KHDRBS3: variants seen among roughly 807,000 people sequenced by gnomAD.
The protein encoded by KHDRBS3 is KH RNA binding domain containing, signal transduction associated 3.
In KHDRBS3, 23 loss-of-function variants were observed where a neutral mutation model predicts 45.6. The observed-to-expected ratio is 0.50, with a 90% CI of 0.36 to 0.72. KHDRBS3 has a LOEUF of 0.72. KHDRBS3 is among the 30% of genes least tolerant of loss of function. KHDRBS3 has a pLI of 0.00. For missense variants in KHDRBS3, 352 were observed against 424.8 expected (o/e 0.83, Z 1.51); for synonymous variants, 162 against 156.5 (o/e 1.04, Z -0.26).
At chr8:135,481,826 G>T (rs1477988701) in intron 1 of KHDRBS3, among the ~76,000 whole-genome samples, 2 of 152,144 alleles carry the variant, frequency 1.3e-5, no homozygotes, top group African/African-American at 4.8e-5. Context: ...TAAGATAATT[G>T]GTGCTGTCAC....
intron 2 of KHDRBS3, 37 bp from the exon 3 acceptor site, chr8:135,542,617 T>TATAA (rs1826098975): frequency 3.0e-6 from 4 of 1,342,902 alleles, no homozygotes; most frequent in Middle Eastern, 3.6e-4. Context: ...TGCTTTCACA[T>TATAA]ATAAATGCTA....
intron 2 of KHDRBS3, among the ~76,000 whole-genome samples, chr8:135,536,646 G>A (rs1001774328): frequency 4.1e-4 from 62 of 152,136 alleles, no homozygotes; most frequent in African/African-American, 1.4e-3. Context: ...GTTGTGGGAG[G>A]ACTGAAGAAA....
intron 1 of KHDRBS3, among the ~76,000 whole-genome samples, chr8:135,465,974 A>C (rs1158921244): frequency 6.6e-6 from 1 of 152,090 alleles, no homozygotes; most frequent in Non-Finnish European, 1.5e-5. Context: ...GGCAGTTTTC[A>C]TTTTCAACAT....
At chr8:135,587,331 T>C (rs1419361932) in intron 6 of KHDRBS3, among the ~76,000 whole-genome samples, 1 of 152,218 alleles carries the variant, frequency 6.6e-6, no homozygotes, top group Non-Finnish European at 1.5e-5. Context: ...CGGGAGTACG[T>C]ATGACACAGC....
At chr8:135,556,148 G>A (rs1205068309) in intron 4 of KHDRBS3, among the ~76,000 whole-genome samples, 1 of 152,150 alleles carries the variant, frequency 6.6e-6, no homozygotes, top group Non-Finnish European at 1.5e-5. Context: ...ATGGACATTT[G>A]GGTTGGTTCC....
chr8:135,650,657 T>C (rs1040350729), downstream of KHDRBS3, among the ~76,000 whole-genome samples: 1 of 152,254 alleles, frequency 6.6e-6, no homozygotes, highest in East Asian at 1.9e-4. Context: ...CATGTTGTTA[T>C]ACTGTCATTC....
At chr8:135,615,485 C>G (rs1334879153) in intron 7 of KHDRBS3, among the ~76,000 whole-genome samples, 1 of 152,088 alleles carries the variant, frequency 6.6e-6, no homozygotes, top group Non-Finnish European at 1.5e-5. Context: ...GAGTGACACT[C>G]TTAATGACAT....
At chr8:135,611,833 C>A (rs955380989) in intron 7 of KHDRBS3, among the ~76,000 whole-genome samples, 1 of 151,806 alleles carries the variant, frequency 6.6e-6, no homozygotes, top group African/African-American at 2.4e-5. Flanking sequence ...AATGCACATA[C>A]TCTAACACCG....
In KHDRBS3 at chr8:135,647,326, T is replaced by A. The variant is rs148272920; in HGVS notation, c.*242T>A. ...AATAGGTCATCAAAAGGAAAAAAAA[T>A]AACTTTGATTAACTAGTGTTAAACA... On this transcript the variant is annotated 3_prime_UTR_variant, in exon 9 of 9. Transcript: ENST00000355849. 847 of 304,848 alleles carry A rather than the reference T, an allele frequency of 2.8e-3. 32 individuals are homozygous for A. The Admixed American group carries it at 0.034, about 12-fold the overall frequency. The allele number at this position is 304,848 out of a possible 1,614,324, so 18.9% of individuals were successfully genotyped here.
intron 5 of KHDRBS3, among the ~76,000 whole-genome samples, chr8:135,561,606 G>A (rs568782506): frequency 1.8e-4 from 26 of 146,604 alleles, no homozygotes; most frequent in African/African-American, 5.5e-4. Flanking sequence ...CACTTTTATT[G>A]TGTTTTCATT....
intron 6 of KHDRBS3, among the ~76,000 whole-genome samples, chr8:135,584,863 C>G (rs555522324): frequency 6.6e-6 from 1 of 152,128 alleles, no homozygotes; most frequent in Admixed American, 6.5e-5. Flanking sequence ...CTAAAGATTA[C>G]TCACCCATCA....
At chr8:135,488,620 C>T (rs1464776536) in intron 1 of KHDRBS3, among the ~76,000 whole-genome samples, 1 of 152,086 alleles carries the variant, frequency 6.6e-6, no homozygotes, top group East Asian at 1.9e-4. Context: ...TCCTTAACAA[C>T]AGGGTGGGTT....
chr8:135,543,713 A>G (rs1312758573), intron 3 of KHDRBS3, among the ~76,000 whole-genome samples: 2 of 152,216 alleles, frequency 1.3e-5, no homozygotes, highest in Admixed American at 6.5e-5. Flanking sequence ...ATGTAAGGAA[A>G]CTGAGATTCA....
chr8:135,610,299 G>A (rs918434117), intron 7 of KHDRBS3, among the ~76,000 whole-genome samples: 1 of 151,900 alleles, frequency 6.6e-6, no homozygotes, highest in African/African-American at 2.4e-5. Context: ...ACAACAGCAA[G>A]AGTTAATATA....
At chr8:135,618,826 T>C (rs1272585006) in intron 7 of KHDRBS3, among the ~76,000 whole-genome samples, 1 of 152,222 alleles carries the variant, frequency 6.6e-6, no homozygotes, top group Non-Finnish European at 1.5e-5. Context: ...AGTGAGAGAA[T>C]ATACTTGAAC....
rs1403601247 is a variant in KHDRBS3, at chr8:135,593,554, T to TGCA, written c.807+11483_807+11485dup. On this transcript the variant is annotated intron_variant, in intron 6 of 8. Coordinates refer to ENST00000355849, the MANE Select transcript of KHDRBS3 (RefSeq NM_006558.3). ...GTGCAGTGGTACAGTTAGAACTCACTGCAGTCTCAACATCCTGGACTCAAG... is the reference window on the plus strand; with the variant it reads ...GTGCAGTGGTACAGTTAGAACTCACTGCAGCAGTCTCAACATCCTGGACTCAAG... Among the ~76,000 whole-genome samples the TGCA allele has an allele frequency of 2.6e-5, 4 of 152,188 alleles. No individual in the cohort carries two copies. The East Asian group carries it at 7.7e-4, about 29-fold the overall frequency.
Position 135,473,881 on chromosome 8 carries a change from G to A in KHDRBS3, c.88+15927G>A, listed in dbSNP as rs183936156. 8.5e-5 allele frequency among the ~76,000 whole-genome samples: 13 copies of A among 152,280 alleles called. No homozygotes were observed. In the East Asian group the frequency reaches 2.5e-3, roughly 29 times the overall value. ...GGAAGCCCCACCTTCTAGCACTGAGGCCGGGTCTGATCTTCCAGAGGAGTT... is the reference window on the plus strand; with the variant it reads ...GGAAGCCCCACCTTCTAGCACTGAGACCGGGTCTGATCTTCCAGAGGAGTT... On this transcript the variant is annotated intron_variant, in intron 1 of 8. Transcript: ENST00000355849.
chr8:135,505,486 C>T (rs532742880), intron 1 of KHDRBS3, among the ~76,000 whole-genome samples: 4 of 152,074 alleles, frequency 2.6e-5, no homozygotes, highest in Non-Finnish European at 5.9e-5. Flanking sequence ...CACTATACTT[C>T]AGGAATTTAC....
chr8:135,607,078 C>T (rs1829498789), intron 7 of KHDRBS3, 41 bp downstream of exon 7: 2 of 1,436,644 alleles, frequency 1.4e-6, no homozygotes, highest in Non-Finnish European at 2.0e-6. Context: ...CAACAGAAAC[C>T]ATCCCCTTCC....
Sources: gnomAD v4.1 joint callset for allele counts (sites outside exome capture counted in the v4.1 genomes callset) on GRCh38, gnomAD v4.1.1 for gene constraint, MANE v1.5 for transcripts, NCBI Gene and HGNC (gene_info 2026-07-23, HGNC 2026-07-21) for gene names.